Variants in PTPRG observed in about 807,000 individuals in gnomAD.
PTPRG encodes the protein receptor-type tyrosine-protein phosphatase gamma.
Under a neutral mutation model 165.3 loss-of-function variants are expected in PTPRG, and 102 were observed. That is an observed-to-expected ratio of 0.62 (90% CI 0.53 to 0.73). The LOEUF is 0.73. Among genes scored for constraint, PTPRG ranks in the 30% least tolerant of loss-of-function variants. The pLI is 0.00. For synonymous variants in PTPRG, 675 were observed against 669.5 expected (o/e 1.01, Z -0.13); for missense variants, 1,866 against 1,861.4 (o/e 1.00, Z -0.05).
At chr3:62,132,410 G>C (rs1389256520) in intron 5 of PTPRG, among the ~76,000 whole-genome samples, 192 bp from the exon 6 acceptor site, 1 of 152,048 alleles carries the variant, frequency 6.6e-6, no homozygotes, top group Non-Finnish European at 1.5e-5. Flanking sequence ...TCTTTCTTTT[G>C]ATTTAAACTT....
intron 2 of PTPRG, among the ~76,000 whole-genome samples, chr3:61,841,272 T>G (rs1380150740): frequency 6.6e-6 from 1 of 152,222 alleles, no homozygotes; most frequent in Non-Finnish European, 1.5e-5. Context: ...CTATTTAATA[T>G]TTGTTCTCCC....
At chr3:61,827,846 A>G (rs964019686) in intron 2 of PTPRG, among the ~76,000 whole-genome samples, 12 of 152,182 alleles carry the variant, frequency 7.9e-5, no homozygotes, top group African/African-American at 2.7e-4. Flanking sequence ...TAGATATTAT[A>G]TTTTCTTATT....
chr3:62,022,514 T>A lies in PTPRG; in HGVS notation c.519+19017T>A, dbSNP rs1313907401. Among the ~76,000 whole-genome samples the A allele has an allele frequency of 5.3e-5, 8 of 152,168 alleles. No individual in the cohort carries two copies. In the East Asian group the frequency reaches 1.3e-3, roughly 26 times the overall value. ...CCCAACAGGCATTTTTCAATTTAAG[T>A]AGATTACGGTGTGAACGATGCAGGT... On this transcript the variant is annotated intron_variant, in intron 4 of 29. Coordinates refer to ENST00000474889, the MANE Select transcript of PTPRG (RefSeq NM_002841.4).
At chr3:62,007,426 C>T (rs1416397650) in intron 4 of PTPRG, among the ~76,000 whole-genome samples, 1 of 152,224 alleles carries the variant, frequency 6.6e-6, no homozygotes, top group Non-Finnish European at 1.5e-5. Flanking sequence ...GTGTTCTTTA[C>T]AGCTCAGTTA....
intron 14 of PTPRG, among the ~76,000 whole-genome samples, chr3:62,239,360 CTTTT>C (rs776921598): frequency 8.0e-6 from 1 of 124,518 alleles, no homozygotes; most frequent in Non-Finnish European, 1.7e-5. Context: ...TTTTTTCTTT[CTTTT>C]TTTTTTTTTT....
At chr3:62,072,793 G>A (rs894480515) in intron 4 of PTPRG, among the ~76,000 whole-genome samples, 2 of 152,160 alleles carry the variant, frequency 1.3e-5, no homozygotes, top group African/African-American at 2.4e-5. Context: ...AAGCTATATA[G>A]TTTTCTTAAA....
chr3:61,674,880 A>G (rs1020414672), intron 1 of PTPRG, among the ~76,000 whole-genome samples: 1 of 152,168 alleles, frequency 6.6e-6, no homozygotes, highest in African/African-American at 2.4e-5. Flanking sequence ...TATTCAAGAA[A>G]TTTCCTAGTG....
At chr3:62,000,873 T>C (rs1175754183) in intron 3 of PTPRG, among the ~76,000 whole-genome samples, 1 of 152,194 alleles carries the variant, frequency 6.6e-6, no homozygotes, top group Non-Finnish European at 1.5e-5. Context: ...CCCTGGATCA[T>C]CTGCTTTCCC....
chr3:62,107,981 G>GTTTGCCTTTTCTTGCCCAAC (rs1702531390), intron 5 of PTPRG, among the ~76,000 whole-genome samples: 1 of 151,824 alleles, frequency 6.6e-6, no homozygotes, highest in Admixed American at 6.6e-5. Flanking sequence ...TCAGTTACAA[G>GTTTGCCTTTTCTTGCCCAAC]TTTGCCTTTT....
intron 1 of PTPRG, among the ~76,000 whole-genome samples, chr3:61,652,401 A>G (rs942967347): frequency 6.6e-6 from 1 of 152,136 alleles, no homozygotes; most frequent in Non-Finnish European, 1.5e-5. Context: ...GACAGGGCTG[A>G]TCTTCAAGTT....
intron 1 of PTPRG, among the ~76,000 whole-genome samples, chr3:61,729,260 C>G (rs2032393300): frequency 6.6e-6 from 1 of 152,124 alleles, no homozygotes; most frequent in Non-Finnish European, 1.5e-5. Context: ...AACTGTGCAT[C>G]CGGGCCAGTT....
chr3:61,917,345 G>C (rs184145052), intron 2 of PTPRG, among the ~76,000 whole-genome samples: 6 of 152,114 alleles, frequency 3.9e-5, no homozygotes, highest in African/African-American at 1.4e-4. Flanking sequence ...GTCTATTATC[G>C]TTTTGGTACC....
chr3:61,647,075 T>A (rs1187474758), intron 1 of PTPRG, among the ~76,000 whole-genome samples: 1 of 152,232 alleles, frequency 6.6e-6, no homozygotes, highest in Non-Finnish European at 1.5e-5. Flanking sequence ...AACATTTGTG[T>A]ACATAGTTTT....
intron 2 of PTPRG, among the ~76,000 whole-genome samples, chr3:61,775,646 G>A (rs553120950): frequency 1.3e-4 from 20 of 152,036 alleles, no homozygotes; most frequent in African/African-American, 4.3e-4. Context: ...AACACCAAAG[G>A]TCTTGGCTAA....
intron 5 of PTPRG, among the ~76,000 whole-genome samples, chr3:62,096,178 A>G (rs1401883160): frequency 6.6e-6 from 1 of 152,108 alleles, no homozygotes. Flanking sequence ...TCTTTCTATT[A>G]CCAAGATTGT....
At chr3:62,080,723 C>G (rs547185300) in intron 5 of PTPRG, among the ~76,000 whole-genome samples, 14 of 152,110 alleles carry the variant, frequency 9.2e-5, no homozygotes, top group Admixed American at 3.9e-4. Context: ...TTTTTCAGCT[C>G]TATAAACTCT....
intron 4 of PTPRG, among the ~76,000 whole-genome samples, chr3:62,017,465 G>C (rs1000171159): frequency 8.6e-5 from 13 of 151,682 alleles, no homozygotes; most frequent in Admixed American, 8.5e-4. Flanking sequence ...GCCCAGGCTG[G>C]AGTGCAGTGG....
At chr3:61,892,787 G>A (rs1405869239) in intron 2 of PTPRG, among the ~76,000 whole-genome samples, 1 of 151,254 alleles carries the variant, frequency 6.6e-6, no homozygotes, top group Non-Finnish European at 1.5e-5. Flanking sequence ...TTGCGCTCCA[G>A]CCTGAGCAAC....
chr3:61,585,467 C>T (rs1248778415), intron 1 of PTPRG, among the ~76,000 whole-genome samples: 1 of 150,950 alleles, frequency 6.6e-6, no homozygotes, highest in Non-Finnish European at 1.5e-5. Context: ...ATATTAGAGG[C>T]TGGTGTGGTG....
Sources: allele counts gnomAD v4.1 joint callset (sites outside exome capture counted in the v4.1 genomes callset), GRCh38; gene constraint gnomAD v4.1.1; transcripts MANE v1.5; gene names NCBI Gene and HGNC (gene_info 2026-07-23, HGNC 2026-07-21).